UBE2D3: variants seen among roughly 807,000 people sequenced by gnomAD.
The protein encoded by UBE2D3 is ubiquitin conjugating enzyme E2 D3, also known as ubiquitin-conjugating enzyme E2 D3.
In UBE2D3, 2 loss-of-function variants were observed where a neutral mutation model predicts 22.8. The ratio of observed to expected loss-of-function variants is 0.09; its 90% CI spans 0.04 to 0.28. The LOEUF (loss-of-function observed/expected upper bound fraction) is 0.28, where lower values mean the gene tolerates loss of function less well. UBE2D3 is among the 10% of genes least tolerant of loss of function. UBE2D3 has a pLI of 1.00. For missense variants in UBE2D3, 27 were observed against 182.5 expected (o/e 0.15, Z 4.91); for synonymous variants, 56 against 60.4 (o/e 0.93, Z 0.34).
chr4:102,829,201 A>G (rs992705786), upstream of UBE2D3, among the ~76,000 whole-genome samples: 8 of 152,170 alleles, frequency 5.3e-5, no homozygotes, highest in African/African-American at 1.4e-4. Context: ...CTGAGAGCCT[A>G]CATTTCTAAC....
chr4:102,819,558 G>GT, intron 2 of UBE2D3: 2 of 985,254 alleles, frequency 2.0e-6, no homozygotes, highest in South Asian at 9.4e-5. Flanking sequence ...TGAAAACAAG[G>GT]TTTTAAGTGT....
At chr4:102,819,484 A>T in intron 2 of UBE2D3, 1 of 857,114 alleles carries the variant, frequency 1.2e-6, no homozygotes, top group African/African-American at 1.8e-5. Flanking sequence ...ACATTCGGTT[A>T]ACTTTCTTTC....
chr4:102,823,727 A>G (rs1340269519), intron 2 of UBE2D3, among the ~76,000 whole-genome samples: 2 of 152,178 alleles, frequency 1.3e-5, no homozygotes, highest in Non-Finnish European at 2.9e-5. Context: ...GTTCAAATAA[A>G]GAATACAGGA....
intron 1 of UBE2D3, among the ~76,000 whole-genome samples, chr4:102,852,305 C>A (rs1240652406): frequency 6.6e-6 from 1 of 152,162 alleles, no homozygotes; most frequent in Admixed American, 6.5e-5. Context: ...TATCCTTGGA[C>A]TATGAGAGAA....
At position 102,796,270 on chromosome 4, in the gene UBE2D3, TA is replaced by T. The variant is rs1293181819; in HGVS notation, c.*1144del. On this transcript the variant is annotated 3_prime_UTR_variant, in exon 8 of 8. Transcript: ENST00000453744. ...GGCTGCACCTGGAAAATAAATTTCT[TA>T]AACTCCATAAACACATTTCAAAACT... 6.6e-6 allele frequency: 1 copy of T among 152,400 alleles called. No individual in the cohort carries two copies. The highest frequency in any genetic ancestry group is 1.5e-5 in the Non-Finnish European group (1 of 67,896). The allele number at this position is 152,400 out of a possible 1,614,324, so 9.4% of individuals were successfully genotyped here. A position where few individuals can be genotyped will look rare whatever the true frequency, so the allele number is the denominator to read the frequency against.
At chr4:102,805,766 A>G (rs1444221000) in intron 4 of UBE2D3, among the ~76,000 whole-genome samples, 1 of 152,196 alleles carries the variant, frequency 6.6e-6, no homozygotes, top group African/African-American at 2.4e-5. Flanking sequence ...ATATATTCAA[A>G]TGCCTACTGA....
chr4:102,806,441 A>C (rs982083082), intron 4 of UBE2D3, among the ~76,000 whole-genome samples: 1 of 152,190 alleles, frequency 6.6e-6, no homozygotes, highest in Admixed American at 6.5e-5. Context: ...GAGTAAGGTT[A>C]AAGGTGGAAA....
chr4:102,805,947 C>G (rs1424454130), intron 4 of UBE2D3, among the ~76,000 whole-genome samples: 1 of 152,154 alleles, frequency 6.6e-6, no homozygotes, highest in East Asian at 1.9e-4. Context: ...AGATAGTTAT[C>G]AAGTAAGATC....
At position 102,827,065 on chromosome 4, in the gene UBE2D3, A is replaced by AAGGAAATAAAGGAAGGGAGACTT. The variant is rs1292009822; in HGVS notation, c.-129+339_-129+361dup. ...GTCCAAAGGTGCGGCCGGGAAAAGG[A>AAGGAAATAAAGGAAGGGAGACTT]AGGAAATAAAGGAAGGGAGACTTGA... On this transcript the variant is annotated intron_variant, in intron 1 of 7. Transcript: ENST00000453744. 4 of 989,676 alleles carry AAGGAAATAAAGGAAGGGAGACTT rather than the reference A, an allele frequency of 4.0e-6. No individual in the cohort carries two copies. In the African/African-American group the frequency reaches 7.0e-5, roughly 17 times the overall value. 61.3% of individuals were successfully genotyped at this position (989,676 alleles called of 1,614,324 possible). A position where few individuals can be genotyped will look rare whatever the true frequency, so the allele number is the denominator to read the frequency against.
At chr4:102,820,659 G>A (rs1434211088) in intron 2 of UBE2D3, among the ~76,000 whole-genome samples, 1 of 152,080 alleles carries the variant, frequency 6.6e-6, no homozygotes. Flanking sequence ...AATGGGCAAA[G>A]AAACCCAAAT....
At chr4:102,848,102 C>T (rs766366266) in intron 1 of UBE2D3, among the ~76,000 whole-genome samples, 2 of 152,176 alleles carry the variant, frequency 1.3e-5, no homozygotes, top group African/African-American at 2.4e-5. Flanking sequence ...CTTTCTGTTT[C>T]GGACCATAAG....
chr4:102,822,114 G>C (rs558009353), intron 2 of UBE2D3, among the ~76,000 whole-genome samples: 19 of 152,346 alleles, frequency 1.2e-4, no homozygotes, highest in South Asian at 1.2e-3. Flanking sequence ...TAGTGACACA[G>C]TAGTTCATCC....
At chr4:102,798,787 G>T in intron 7 of UBE2D3, 2 of 659,804 alleles carry the variant, frequency 3.0e-6, no homozygotes, top group Non-Finnish European at 5.0e-6. Context: ...GTTAAACAGA[G>T]ACCAAGCAGT....
intron 1 of UBE2D3, among the ~76,000 whole-genome samples, chr4:102,860,462 A>G (rs1233919567): frequency 6.7e-6 from 1 of 149,698 alleles, no homozygotes; most frequent in Non-Finnish European, 1.5e-5. Flanking sequence ...TTGTCTTCTA[A>G]CTTTGCATCT....
At chr4:102,814,554 C>T (rs576155043) in intron 2 of UBE2D3, among the ~76,000 whole-genome samples, 2 of 151,256 alleles carry the variant, frequency 1.3e-5, no homozygotes, top group African/African-American at 4.9e-5. Flanking sequence ...CCGCCTGCCT[C>T]GGCCTCCCAA....
intron 1 of UBE2D3, among the ~76,000 whole-genome samples, chr4:102,860,011 A>G (rs1192734653): frequency 6.6e-6 from 1 of 151,840 alleles, no homozygotes; most frequent in Non-Finnish European, 1.5e-5. Flanking sequence ...ACTCCTGGCT[A>G]ATTTTTTTTG....
intron 1 of UBE2D3, among the ~76,000 whole-genome samples, chr4:102,834,559 G>A (rs141935077): frequency 6.6e-6 from 1 of 152,044 alleles, no homozygotes; most frequent in East Asian, 2.0e-4. Context: ...AGACCATCTT[G>A]GGCAACATGG....
At position 102,848,424 on chromosome 4, in the gene UBE2D3, C is replaced by T. The variant is rs561843224; in HGVS notation, c.-129+20291G>A. Among the ~76,000 whole-genome samples, 12 of 152,212 alleles carry T rather than the reference C, an allele frequency of 7.9e-5. 1 individual carries two copies. The South Asian group carries it at 2.5e-3, about 32-fold the overall frequency. On this transcript the variant is annotated intron_variant, in intron 1 of 7. Transcript: ENST00000338145. ...CTTTGGGAGGCCGAGGTGGGTGGGT[C>T]ACCTGAGGTCAGGAGTTCAAGACCA...
upstream of UBE2D3, among the ~76,000 whole-genome samples, chr4:102,829,308 C>T (rs1326864640): frequency 1.3e-5 from 2 of 152,194 alleles, no homozygotes; most frequent in Non-Finnish European, 2.9e-5. Flanking sequence ...TCATGAGGCT[C>T]ACCTCAGTAA....
Sources: allele counts gnomAD v4.1 joint callset (sites outside exome capture counted in the v4.1 genomes callset), GRCh38; gene constraint gnomAD v4.1.1; transcripts MANE v1.5; gene names NCBI Gene and HGNC (gene_info 2026-07-23, HGNC 2026-07-21).